Variants in SLC38A6 observed in about 807,000 individuals in gnomAD.
SLC38A6 encodes the protein solute carrier family 38 member 6, also known as N system amino acid transporter NAT-1.
SLC38A6 carries 73 observed loss-of-function variants against 65.0 expected under a neutral mutation model. The ratio of observed to expected loss-of-function variants is 1.12; its 90% CI spans 0.93 to 1.37. The LOEUF (loss-of-function observed/expected upper bound fraction) is 1.37. SLC38A6 is among the 40% of genes most tolerant of loss of function. The pLI is 0.00. For synonymous variants in SLC38A6, 183 were observed against 178.8 expected, an observed-to-expected ratio of 1.02 and a Z score of -0.19; for missense variants, 561 against 531.1, an observed-to-expected ratio of 1.06 and a Z score of -0.55.
intron 3 of SLC38A6, among the ~76,000 whole-genome samples, chr14:61,002,752 C>T (rs2038798744): frequency 6.6e-6 from 1 of 152,174 alleles, no homozygotes; most frequent in Admixed American, 6.5e-5. Flanking sequence ...TCTGCTCTCA[C>T]AAAACGTAGC....
intron 5 of SLC38A6, among the ~76,000 whole-genome samples, chr14:61,028,723 A>C (rs2040754620): frequency 6.6e-6 from 1 of 152,194 alleles, no homozygotes; most frequent in African/African-American, 2.4e-5. Flanking sequence ...TTGTAAACTG[A>C]AAAAATATGT....
chr14:61,045,899 G>A (rs1020540797), intron 11 of SLC38A6, among the ~76,000 whole-genome samples, 168 bp from the exon 12 acceptor site: 1 of 151,002 alleles, frequency 6.6e-6, no homozygotes, highest in African/African-American at 2.4e-5. Flanking sequence ...AAAAAAAAAA[G>A]GAAGAAGTGT....
At chr14:61,069,827 A>G (rs1491003744) in intron 15 of SLC38A6, among the ~76,000 whole-genome samples, 1 of 152,058 alleles carries the variant, frequency 6.6e-6, no homozygotes, top group African/African-American at 2.4e-5. Context: ...ATCCAATTCT[A>G]TCCCCAGCAT....
chr14:61,035,579 T>C (rs1198779151), intron 6 of SLC38A6, among the ~76,000 whole-genome samples: 1 of 152,174 alleles, frequency 6.6e-6, no homozygotes, highest in African/African-American at 2.4e-5. Flanking sequence ...CATATAATCA[T>C]TGTTTTTCCA....
chr14:61,038,736 T>C (rs1224250985), intron 8 of SLC38A6, among the ~76,000 whole-genome samples: 1 of 152,200 alleles, frequency 6.6e-6, no homozygotes, highest in African/African-American at 2.4e-5. Context: ...TTAGTATATA[T>C]AAGCATTTAT....
intron 3 of SLC38A6, among the ~76,000 whole-genome samples, chr14:61,015,112 C>T (rs2139530127): frequency 6.6e-6 from 1 of 152,314 alleles, no homozygotes; most frequent in Non-Finnish European, 1.5e-5. Flanking sequence ...TCGCTGCAGC[C>T]TTGCAGTTTG....
intron 10 of SLC38A6, among the ~76,000 whole-genome samples, chr14:61,044,001 A>G (rs1010421413): frequency 6.6e-6 from 1 of 152,076 alleles, no homozygotes; most frequent in Non-Finnish European, 1.5e-5. Flanking sequence ...AGGAGTAGAG[A>G]CTAGGAGACC....
chr14:61,045,409 TAC>T lies in SLC38A6; in HGVS notation c.809_810del (p.Tyr270LeufsTer2), dbSNP rs762904896. 1.2e-6 allele frequency: 2 copies of T among 1,611,568 alleles called. No individual in the cohort carries two copies. Among genetic ancestry groups the T allele is most frequent in the Non-Finnish European group, 1.7e-6 (2 of 1,177,978 alleles). On this transcript the variant is annotated frameshift_variant, in exon 11 of 16. Coordinates refer to ENST00000267488, the MANE Select transcript of SLC38A6 (RefSeq NM_153811.3). LOFTEE classifies it high-confidence loss of function. ...FLCHTSILPI[Y>X]CELQSPSKKR... is the part of the protein sequence containing the mutation. ...CTGCCATACCTCAATATTGCCCATA[TAC>T]TGTGAACTTCAAAGGTACTGTAGAA...
intron 8 of SLC38A6, 65 bp from the exon 9 acceptor site, chr14:61,043,082 T>C: frequency 9.7e-7 from 1 of 1,029,390 alleles, no homozygotes; most frequent in Non-Finnish European, 1.5e-6. Context: ...CTGACCTATT[T>C]CAATTCAGTT....
At chr14:60,982,945 C>T (rs1038261546) in intron 2 of SLC38A6, among the ~76,000 whole-genome samples, 1 of 152,126 alleles carries the variant, frequency 6.6e-6, no homozygotes, top group African/African-American at 2.4e-5. Flanking sequence ...GAATCAAAGC[C>T]ATGCAGATTA....
At chr14:61,043,103 T>G in intron 8 of SLC38A6, 44 bp from the exon 9 acceptor site, 1 of 1,231,574 alleles carries the variant, frequency 8.1e-7, no homozygotes. Flanking sequence ...TCTTATTAAT[T>G]TTATAAGAAA....
intron 3 of SLC38A6, among the ~76,000 whole-genome samples, chr14:61,006,422 C>G (rs1446209682): frequency 2.0e-5 from 3 of 152,152 alleles, no homozygotes; most frequent in African/African-American, 7.2e-5. Context: ...TTTTCACAAC[C>G]TACTCATCTG....
At chr14:61,067,483 A>G (rs2043061982) in intron 15 of SLC38A6, among the ~76,000 whole-genome samples, 3 of 152,192 alleles carry the variant, frequency 2.0e-5, no homozygotes, top group Non-Finnish European at 4.4e-5. Context: ...CTACTGATGT[A>G]TTTTTCCCCG....
At chr14:60,994,284 G>A (rs554938144) in intron 3 of SLC38A6, among the ~76,000 whole-genome samples, 2 of 152,244 alleles carry the variant, frequency 1.3e-5, no homozygotes, top group Non-Finnish European at 2.9e-5. Context: ...CTTGGCTCAC[G>A]CCTGTAATCC....
rs182367676 is a variant in SLC38A6, at chr14:60,996,636, G to A, written c.310+11833G>A. Among the ~76,000 whole-genome samples the A allele has an allele frequency of 1.7e-3, 257 of 152,102 alleles. 2 individuals carry two copies. The highest frequency in any genetic ancestry group is 5.8e-3 in the African/African-American group (240 of 41,480). ...TTTCAAGATTAAAAGTTTTCCTCCC[G>A]GTATCCAGTATAATACTTGTAAGAT... On this transcript the variant is annotated intron_variant, in intron 3 of 15. Coordinates refer to ENST00000267488, the MANE Select transcript of SLC38A6 (RefSeq NM_153811.3).
chr14:61,067,336 T>C (rs1268280288), intron 15 of SLC38A6, among the ~76,000 whole-genome samples: 1 of 152,158 alleles, frequency 6.6e-6, no homozygotes, highest in African/African-American at 2.4e-5. Flanking sequence ...CGTACACTTT[T>C]ATTACTTTAC....
chr14:61,012,846 A>G (rs908022415), intron 3 of SLC38A6, among the ~76,000 whole-genome samples: 6 of 152,208 alleles, frequency 3.9e-5, no homozygotes, highest in Admixed American at 6.5e-5. Context: ...GGTGCTGAAA[A>G]GAATGTGTAT....
At chr14:61,017,839 T>G (rs1360078934) in intron 4 of SLC38A6, among the ~76,000 whole-genome samples, 1 of 152,242 alleles carries the variant, frequency 6.6e-6, no homozygotes, top group East Asian at 1.9e-4. Context: ...GTTTGGTTGC[T>G]TGTTTAAATT....
chr14:61,031,778 A>G (rs1315350668), intron 6 of SLC38A6, among the ~76,000 whole-genome samples: 2 of 151,680 alleles, frequency 1.3e-5, no homozygotes, highest in Non-Finnish European at 2.9e-5. Context: ...ATTCTATGTG[A>G]GAAATTTATA....
Sources: allele counts gnomAD v4.1 joint callset (sites outside exome capture counted in the v4.1 genomes callset), GRCh38; gene constraint gnomAD v4.1.1; transcripts MANE v1.5; gene names NCBI Gene and HGNC (gene_info 2026-07-23, HGNC 2026-07-21).